TVP23B: variants seen among roughly 807,000 people sequenced by gnomAD.
The protein encoded by TVP23B is Golgi apparatus membrane protein TVP23 homolog B.
Under a neutral mutation model 30.6 loss-of-function variants are expected in TVP23B, and 10 were observed. The observed-to-expected ratio is 0.33, with a 90% CI of 0.20 to 0.55. TVP23B has a LOEUF of 0.55. Ranked by LOEUF, TVP23B falls within the 20% of genes least tolerant of loss-of-function variation. The pLI is 0.91. For missense variants in TVP23B, 153 were observed against 243.2 expected, an observed-to-expected ratio of 0.63 and a Z score of 2.47; for synonymous variants, 67 against 83.1, an observed-to-expected ratio of 0.81 and a Z score of 1.06.
chr17:18,805,323 A>G (rs2036232519), intron 6 of TVP23B, among the ~76,000 whole-genome samples: 1 of 151,728 alleles, frequency 6.6e-6, no homozygotes, highest in Non-Finnish European at 1.5e-5. Context: ...TGACCTCATG[A>G]TCCACCCTCC....
At chr17:18,801,462 A>G (rs538945425) in intron 5 of TVP23B, among the ~76,000 whole-genome samples, 6 of 151,916 alleles carry the variant, frequency 3.9e-5, no homozygotes, top group Non-Finnish European at 5.9e-5. Flanking sequence ...CTGATGTCTG[A>G]GGCACGTGGC....
At position 18,791,014 on chromosome 17, in the gene TVP23B, T is replaced by C; in HGVS notation, c.214T>C (p.Leu72=). The change falls in exon 3 of 7, where the codon TTG becomes CTG. Residue 72 remains leucine, a synonymous_variant. Transcript: ENST00000307767. ...ITCMVTIILL[L]SCDFWAVKNV... ...CTGTATGGTGACAATTATCTTGTTGTTGTCGTGTGACTTTTGGGCAGTGAA... is the reference window on the plus strand; with the variant it reads ...CTGTATGGTGACAATTATCTTGTTGCTGTCGTGTGACTTTTGGGCAGTGAA... 1 of 1,601,176 alleles carries C rather than the reference T, an allele frequency of 6.2e-7. No homozygotes were observed. The highest frequency in any genetic ancestry group is 8.5e-7 in the Non-Finnish European group (1 of 1,176,728).
chr17:18,787,196 A>G (rs1286425198), intron 1 of TVP23B, among the ~76,000 whole-genome samples: 1 of 152,166 alleles, frequency 6.6e-6, no homozygotes, highest in East Asian at 1.9e-4. Flanking sequence ...GGAGTTTGAA[A>G]CCAGCCTGGC....
rs1169004762 is a variant in TVP23B, at chr17:18,781,230, G to C, written c.-64G>C. On this transcript the variant is annotated 5_prime_UTR_variant, in exon 1 of 7. Transcript: ENST00000307767. ...CTTGGTGACGGGTCGCCTCAGTTCC[G>C]ACCCGGACCCGTACGCTGCTGCGCT... 6.5e-7 allele frequency: 1 copy of C among 1,550,290 alleles called. No homozygotes were observed. Among genetic ancestry groups the C allele is most frequent in the Non-Finnish European group, 8.7e-7 (1 of 1,147,494 alleles).
In TVP23B at chr17:18,806,042, G is replaced by A. The variant is rs912620379; in HGVS notation, c.*475G>A. On this transcript the variant is annotated 3_prime_UTR_variant, in exon 7 of 7. Coordinates refer to ENST00000307767, the MANE Select transcript of TVP23B (RefSeq NM_016078.6). ...AGTGAGCACTTTGGCTTATGTATAA[G>A]TTAGAAATAATTGTTAGTTTTTAAT... The A allele has an allele frequency of 3.5e-5, 34 of 976,954 alleles. No individual in the cohort carries two copies. Among genetic ancestry groups the A allele is most frequent in the Non-Finnish European group, 3.8e-5 (31 of 822,168 alleles). The allele number at this position is 976,954 out of a possible 1,614,324, so 60.5% of individuals were successfully genotyped here.
chr17:18,797,323 T>C (rs2036090877), intron 3 of TVP23B: 1 of 411,426 alleles, frequency 2.4e-6, no homozygotes, highest in Admixed American at 4.1e-5. Context: ...AAATTGTTCA[T>C]GAGGGAAAAG....
chr17:18,785,600 A>T (rs2151843053), intron 1 of TVP23B, among the ~76,000 whole-genome samples: 1 of 152,226 alleles, frequency 6.6e-6, no homozygotes, highest in Admixed American at 6.5e-5. Flanking sequence ...CAGCCTGGGC[A>T]TGGTGGCTCA....
Position 18,789,372 on chromosome 17 carries a change from A to G in TVP23B, c.32A>G (p.Glu11Gly). 1.2e-6 allele frequency: 2 copies of G among 1,613,974 alleles called. No individual in the cohort carries two copies. Among genetic ancestry groups the G allele is most frequent in the Non-Finnish European group, 1.7e-6 (2 of 1,179,854 alleles). The part of the protein sequence containing the change: MLQQDSNDDT[E>G]DVSLFDAEEE... ...TACCAGGATAGTAATGATGACACTGAAGATGTTTCACTGTTTGATGCGGAA... is the reference window on the plus strand; with the variant it reads ...TACCAGGATAGTAATGATGACACTGGAGATGTTTCACTGTTTGATGCGGAA... Residue 11 changes from glutamate (E) to glycine (G), a missense_variant, in exon 2 of 7, where the codon GAA becomes GGA. Transcript: ENST00000307767.
At chr17:18,794,981 C>T (rs1380191191) in intron 3 of TVP23B, among the ~76,000 whole-genome samples, 2 of 142,530 alleles carry the variant, frequency 1.4e-5, no homozygotes, top group East Asian at 2.1e-4. Flanking sequence ...GTCTTCTTGA[C>T]GTTTTTATGT....
At chr17:18,803,523 T>C (rs1340195427) in intron 5 of TVP23B, among the ~76,000 whole-genome samples, 5 of 152,260 alleles carry the variant, frequency 3.3e-5, no homozygotes, top group African/African-American at 1.2e-4. Flanking sequence ...TCATTGATCC[T>C]AGTGGGATGA....
At chr17:18,804,937 A>G (rs2036224990) in intron 6 of TVP23B, among the ~76,000 whole-genome samples, 4 of 152,090 alleles carry the variant, frequency 2.6e-5, no homozygotes, top group Admixed American at 2.6e-4. Flanking sequence ...AGAAGACCAT[A>G]ACATTTGTAC....
chr17:18,806,292 A>C lies in TVP23B; in HGVS notation c.*725A>C. The C allele has an allele frequency of 1.0e-6, 1 of 964,036 alleles. No homozygotes were observed. Among genetic ancestry groups the C allele is most frequent in the Non-Finnish European group, 1.2e-6 (1 of 810,248 alleles). 59.7% of individuals were successfully genotyped at this position (964,036 alleles called of 1,614,324 possible). A position where few individuals can be genotyped will look rare whatever the true frequency, so the allele number is the denominator to read the frequency against. The stretch of plus-strand genomic sequence containing the variant: ...AGCTAGATTGAAAGCTCTTCAGTGG[A>C]CCTTGAGCTAATAGATCTTTTACCA... On this transcript the variant is annotated 3_prime_UTR_variant, in exon 7 of 7. Coordinates refer to ENST00000307767, the MANE Select transcript of TVP23B (RefSeq NM_016078.6).
intron 5 of TVP23B, among the ~76,000 whole-genome samples, chr17:18,800,223 G>A (rs1470348737): frequency 6.6e-6 from 1 of 151,808 alleles, no homozygotes; most frequent in African/African-American, 2.4e-5. Flanking sequence ...TTTAGAAAGG[G>A]AAGAAAATAA....
In TVP23B at chr17:18,806,100, G is replaced by A. The variant is rs1490612994; in HGVS notation, c.*533G>A. 3.1e-6 allele frequency: 3 copies of A among 968,612 alleles called. No homozygotes were observed. The highest frequency in any genetic ancestry group is 3.7e-6 in the Non-Finnish European group (3 of 814,842). 60.0% of individuals were successfully genotyped at this position (968,612 alleles called of 1,614,324 possible). ...TCGTGGGGAAATTTCTTAGACGTAT[G>A]CAAGCAAGTGAAAACAATTAGGGCC... On this transcript the variant is annotated 3_prime_UTR_variant, in exon 7 of 7. Transcript: ENST00000307767.
At chr17:18,788,553 G>A (rs1349243842) in intron 1 of TVP23B, among the ~76,000 whole-genome samples, 3 of 152,038 alleles carry the variant, frequency 2.0e-5, no homozygotes, top group Non-Finnish European at 4.4e-5. Context: ...AGGCTGAGGC[G>A]GACAGATCAC....
At chr17:18,782,154 A>T (rs2035817221) in intron 1 of TVP23B, 1 of 151,828 alleles carries the variant, frequency 6.6e-6, no homozygotes, top group African/African-American at 2.4e-5. Context: ...GAGTGGAGAA[A>T]ATCTAATAAT....
At position 18,805,913 on chromosome 17, in the gene TVP23B, C is replaced by A; in HGVS notation, c.*346C>A. 9.6e-7 allele frequency: 1 copy of A among 1,043,444 alleles called. No individual in the cohort carries two copies. The highest frequency in any genetic ancestry group is 4.2e-5 in the South Asian group (1 of 23,774). 64.6% of individuals were successfully genotyped at this position (1,043,444 alleles called of 1,614,324 possible). ...GTAATGGAGACCTTTGCATTTTGAT[C>A]CATAGAACATAGGAGGATGTTCTTA... On this transcript the variant is annotated 3_prime_UTR_variant, in exon 7 of 7. Transcript: ENST00000307767.
chr17:18,791,052 T>C lies in TVP23B; in HGVS notation c.240+12T>C. ...TTTGGGCAGTGAAGGTAATTTTGAT[T>C]GTTTTTATTTTAAAATTATATTTAA... is the stretch of plus-strand genomic sequence containing the variant. On this transcript the variant is annotated intron_variant, in intron 3 of 6. Transcript: ENST00000307767. 6.4e-7 allele frequency: 1 copy of C among 1,570,952 alleles called. No homozygotes were observed. The highest frequency in any genetic ancestry group is 1.4e-5 in the African/African-American group (1 of 72,428).
Position 18,789,278 on chromosome 17 carries a change from T to C in TVP23B, c.13-75T>C, listed in dbSNP as rs2035955457. 3.8e-6 allele frequency: 6 copies of C among 1,572,826 alleles called. No homozygotes were observed. In the East Asian group the frequency reaches 1.3e-4, roughly 35 times the overall value. The stretch of plus-strand genomic sequence containing the variant: ...ATTTTATCTTCTATTTTGATGAGTA[T>C]GCAGCTTTGCATTGCAGTGGCTGTG... On this transcript the variant is annotated intron_variant, in intron 1 of 6. Transcript: ENST00000307767.
Sources: allele counts gnomAD v4.1 joint callset (sites outside exome capture counted in the v4.1 genomes callset), GRCh38; gene constraint gnomAD v4.1.1; transcripts MANE v1.5; gene names NCBI Gene and HGNC (gene_info 2026-07-23, HGNC 2026-07-21).